Variants in OVCA2 observed in about 807,000 individuals in gnomAD.
OVCA2 encodes the protein OVCA2 serine hydrolase domain containing.
OVCA2 carries 14 observed loss-of-function variants against 10.1 expected under a neutral mutation model. The ratio of observed to expected loss-of-function variants is 1.39; its 90% CI spans 0.92 to 2.17. OVCA2 has a LOEUF of 2.17. Ranked by LOEUF, OVCA2 falls within the 30% of genes most tolerant of loss-of-function variation. The pLI, the probability that OVCA2 is intolerant of heterozygous loss-of-function variation, is 0.00. For missense variants in OVCA2, 376 were observed against 300.5 expected (o/e 1.25, Z -1.86); for synonymous variants, 201 against 134.1 (o/e 1.50, Z -3.45).
rs1171294621 is a variant in OVCA2, at chr17:2,042,470, T to C, written c.185-135T>C. 1.7e-5 allele frequency: 23 copies of C among 1,340,642 alleles called. No individual in the cohort carries two copies. The South Asian group carries it at 3.0e-4, about 17-fold the overall frequency. The allele number at this position is 1,340,642 out of a possible 1,614,324, so 83.0% of individuals were successfully genotyped here. A position where few individuals can be genotyped will look rare whatever the true frequency, so the allele number is the denominator to read the frequency against. On this transcript the variant is annotated intron_variant, in intron 1 of 1. Coordinates refer to ENST00000572195, the MANE Select transcript of OVCA2 (RefSeq NM_080822.3). Reference sequence around the variant, plus strand: ...CAGGCCAATCCACTCATTTCCCCCCTCTCATTTCCCCCAGACTTTTGCCTC... The same window carrying C: ...CAGGCCAATCCACTCATTTCCCCCCCCTCATTTCCCCCAGACTTTTGCCTC...
chr17:2,043,158 G>C lies in OVCA2; in HGVS notation c.*54G>C. The C allele has an allele frequency of 1.3e-6, 2 of 1,568,718 alleles. No individual in the cohort carries two copies. Among genetic ancestry groups the C allele is most frequent in the Non-Finnish European group, 1.7e-6 (2 of 1,155,816 alleles). ...TCCAGCTCCTCTAGGGGCAGCCTCC[G>C]TCATCCATGCCCTCCCAGGACCCTC... On this transcript the variant is annotated 3_prime_UTR_variant, in exon 2 of 2. Transcript: ENST00000572195.
intron 1 of OVCA2, 23 bp from the exon 2 acceptor site, chr17:2,042,582 C>T (rs73294249): frequency 6.6e-7 from 1 of 1,508,462 alleles, no homozygotes; most frequent in Non-Finnish European, 8.8e-7. Flanking sequence ...CTAATCCCAT[C>T]CTTTTTCCTC....
Position 2,042,848 on chromosome 17 carries a change from G to A in OVCA2, c.428G>A (p.Arg143Gln). Reference protein sequence around the residue: ...QAGDPRFPLPRFILLVSGFCP... With the variant: ...QAGDPRFPLPQFILLVSGFCP... Reference sequence around the variant, plus strand: ...GGCGATCCCCGCTTCCCCTTGCCACGGTTTATCCTCTTGGTGTCTGGTTTC... The same window carrying A: ...GGCGATCCCCGCTTCCCCTTGCCACAGTTTATCCTCTTGGTGTCTGGTTTC... Residue 143 changes from arginine to glutamine, a missense_variant, in exon 2 of 2, where the codon CGG becomes CAG. Arg to Gln is a conservative substitution (Grantham distance 43). Transcript: ENST00000572195. 2 of 1,614,136 alleles carry A rather than the reference G, an allele frequency of 1.2e-6. No homozygotes were observed. The highest frequency in any genetic ancestry group is 1.7e-6 in the Non-Finnish European group (2 of 1,180,016).
Position 2,042,885 on chromosome 17 carries a change from C to T in OVCA2, c.465C>T (p.Gly155=), listed in dbSNP as rs1455808926. 8.7e-6 allele frequency: 14 copies of T among 1,614,066 alleles called. No homozygotes were observed. Among genetic ancestry groups the T allele is most frequent in the Non-Finnish European group, 4.2e-6 (5 of 1,180,046 alleles). The stretch of plus-strand genomic sequence containing the variant: ...TGGTGTCTGGTTTCTGTCCCCGGGG[C>T]ATTGGGTTCAAGGAATCCATCCTGC... ...ILLVSGFCPR[G]IGFKESILQR... Residue 155 remains glycine, a synonymous_variant, in exon 2 of 2, where the codon GGC becomes GGT. Coordinates refer to ENST00000572195, the MANE Select transcript of OVCA2 (RefSeq NM_080822.3).
In OVCA2 at chr17:2,042,856, C is replaced by A. The variant is rs769380354; in HGVS notation, c.436C>A (p.Leu146Ile). The A allele has an allele frequency of 7.4e-6, 12 of 1,614,042 alleles. No individual in the cohort carries two copies. In the African/African-American group the frequency reaches 1.6e-4, roughly 22 times the overall value. Reference sequence around the variant, plus strand: ...CCGCTTCCCCTTGCCACGGTTTATCCTCTTGGTGTCTGGTTTCTGTCCCCG... The same window carrying A: ...CCGCTTCCCCTTGCCACGGTTTATCATCTTGGTGTCTGGTTTCTGTCCCCG... Reference protein sequence around the residue: ...DPRFPLPRFILLVSGFCPRGI... With the variant: ...DPRFPLPRFIILVSGFCPRGI... Residue 146 changes from leucine (L) to isoleucine (I), a missense_variant, in exon 2 of 2, where the codon CTC becomes ATC. Transcript: ENST00000572195.
At position 2,042,770 on chromosome 17, in the gene OVCA2, G is replaced by A. The variant is rs1296903159; in HGVS notation, c.350G>A (p.Gly117Asp). 1 of 1,609,304 alleles carries A rather than the reference G, an allele frequency of 6.2e-7. No individual in the cohort carries two copies. Among genetic ancestry groups the A allele is most frequent in the African/African-American group, 1.3e-5 (1 of 74,572 alleles). The change falls in exon 2 of 2, where the codon GGT becomes GAT. Residue 117 changes from glycine (G) to aspartate (D), a missense_variant. Physicochemically the swap from Gly to Asp is moderately conservative, Grantham distance 94. Coordinates refer to ENST00000572195, the MANE Select transcript of OVCA2 (RefSeq NM_080822.3). ...CTGGGGCCTTTTGACGGCCTTCTTGGTTTCAGCCAAGGGGCTGCGCTAGCA... is the reference window on the plus strand; with the variant it reads ...CTGGGGCCTTTTGACGGCCTTCTTGATTTCAGCCAAGGGGCTGCGCTAGCA... ...NRLGPFDGLL[G>D]FSQGAALAAL... is the part of the protein sequence containing the mutation.
chr17:2,042,075 C>A lies in OVCA2; in HGVS notation c.28C>A (p.Leu10Met), dbSNP rs769738680. 29 of 1,561,856 alleles carry A rather than the reference C, an allele frequency of 1.9e-5. No individual in the cohort carries two copies. In the African/African-American group the frequency reaches 3.7e-4, roughly 20 times the overall value. The change falls in exon 1 of 2, where the codon CTG becomes ATG. Residue 10 changes from leucine (L) to methionine (M), a missense_variant. Leu to Met is a conservative substitution (Grantham distance 15). Coordinates refer to ENST00000572195, the MANE Select transcript of OVCA2 (RefSeq NM_080822.3). ...GGCCGCGCAGCGACCCCTGCGGGTC[C>A]TGTGCCTGGCGGGCTTCCGGCAGAG... MAAQRPLRVLCLAGFRQSER... is the reference protein window; with the variant it reads MAAQRPLRVMCLAGFRQSER...
At position 2,042,714 on chromosome 17, in the gene OVCA2, A is replaced by G; in HGVS notation, c.294A>G (p.Ser98=). 6.4e-7 allele frequency: 1 copy of G among 1,557,892 alleles called. No homozygotes were observed. Among genetic ancestry groups the G allele is most frequent in the Non-Finnish European group, 8.7e-7 (1 of 1,154,584 alleles). Residue 98 remains serine, a synonymous_variant, in exon 2 of 2, where the codon TCA becomes TCG. Transcript: ENST00000572195. ...EPAVCRGLEE[S]LGMVAQALNR... Reference sequence around the variant, plus strand: ...CCGTCTGCAGGGGCCTGGAGGAATCACTGGGGATGGTGGCACAGGCACTGA... The same window carrying G: ...CCGTCTGCAGGGGCCTGGAGGAATCGCTGGGGATGGTGGCACAGGCACTGA...
rs185609036 is a variant in OVCA2 at position 2,043,197 on chromosome 17, G to T, written c.*93G>T. 4.4e-5 allele frequency: 63 copies of T among 1,433,942 alleles called. No individual in the cohort carries two copies. The East Asian group carries it at 1.4e-3, about 33-fold the overall frequency. The allele number at this position is 1,433,942 out of a possible 1,614,324, so 88.8% of individuals were successfully genotyped here. On this transcript the variant is annotated 3_prime_UTR_variant, in exon 2 of 2. Transcript: ENST00000572195. Reference sequence around the variant, plus strand: ...CCCAGGACCCTCCACTCACTGCTGTGAGTGCGCCTCACCAGAACCAGTTAA... The same window carrying T: ...CCCAGGACCCTCCACTCACTGCTGTTAGTGCGCCTCACCAGAACCAGTTAA...
chr17:2,042,798 C>T lies in OVCA2; in HGVS notation c.378C>T (p.Ala126=), dbSNP rs1259706034. 6.2e-7 allele frequency: 1 copy of T among 1,613,780 alleles called. No homozygotes were observed. Among genetic ancestry groups the T allele is most frequent in the African/African-American group, 1.3e-5 (1 of 74,908 alleles). ...TCAGCCAAGGGGCTGCGCTAGCAGC[C>T]CTTGTGTGTGCCCTGGGCCAGGCAG... The part of the protein sequence containing the change: ...LGFSQGAALA[A]LVCALGQAGD... The change falls in exon 2 of 2, where the codon GCC becomes GCT. Residue 126 remains alanine (A), a synonymous_variant. Transcript: ENST00000572195.
At chr17:2,042,394 C>T (rs1039036795) in intron 1 of OVCA2, 163 bp downstream of exon 1, 3 of 1,275,418 alleles carry the variant, frequency 2.4e-6, no homozygotes, top group East Asian at 5.7e-5. Context: ...CAAACTGCAG[C>T]CTGTCCTCCC....
Position 2,042,687 on chromosome 17 carries a change from C to T in OVCA2, c.267C>T (p.Pro89=). Residue 89 remains proline, a synonymous_variant, in exon 2 of 2, where the codon CCC becomes CCT. Coordinates refer to ENST00000572195, the MANE Select transcript of OVCA2 (RefSeq NM_080822.3). ...EADVFSALEE[P]AVCRGLEESL... is the part of the protein sequence containing the mutation. ...ACGTTTTCTCCGCATTGGAAGAGCC[C>T]GCCGTCTGCAGGGGCCTGGAGGAAT... 3 of 1,529,692 alleles carry T rather than the reference C, an allele frequency of 2.0e-6. No individual in the cohort carries two copies. Among genetic ancestry groups the T allele is most frequent in the Non-Finnish European group, 2.6e-6 (3 of 1,142,150 alleles). 94.8% of individuals were successfully genotyped at this position (1,529,692 alleles called of 1,614,324 possible).
chr17:2,042,820 G>A lies in OVCA2; in HGVS notation c.400G>A (p.Ala134Thr). 12 of 1,614,112 alleles carry A rather than the reference G, an allele frequency of 7.4e-6. No individual in the cohort carries two copies. Among genetic ancestry groups the A allele is most frequent in the South Asian group, 5.5e-5 (5 of 91,086 alleles). ...LAALVCALGQ[A>T]GDPRFPLPRF... ...AGCCCTTGTGTGTGCCCTGGGCCAG[G>A]CAGGCGATCCCCGCTTCCCCTTGCC... The change falls in exon 2 of 2, where the codon GCA becomes ACA. Residue 134 changes from alanine to threonine, a missense_variant. Ala to Thr is a moderately conservative substitution (Grantham distance 58). Coordinates refer to ENST00000572195, the MANE Select transcript of OVCA2 (RefSeq NM_080822.3).
Position 2,042,970 on chromosome 17 carries a change from T to G in OVCA2, c.550T>G (p.Ser184Ala), listed in dbSNP as rs144850435. 1.1e-5 allele frequency: 18 copies of G among 1,614,080 alleles called. No individual in the cohort carries two copies. Among genetic ancestry groups the G allele is most frequent in the Non-Finnish European group, 1.4e-5 (17 of 1,179,986 alleles). The change falls in exon 2 of 2, where the codon TCT becomes GCT. Residue 184 changes from serine (S) to alanine (A), a missense_variant. Transcript: ENST00000572195. ...TGGGGACACTGACAAAGTCATCCCCTCTCAGGAGAGTGTGCAACTGGCCAG... is the reference window on the plus strand; with the variant it reads ...TGGGGACACTGACAAAGTCATCCCCGCTCAGGAGAGTGTGCAACTGGCCAG... ...VFGDTDKVIP[S>A]QESVQLASQF...
rs1170130053 is a variant in OVCA2 at position 2,042,753 on chromosome 17, T to C, written c.333T>C (p.Pro111=). The C allele has an allele frequency of 6.2e-7, 1 of 1,604,506 alleles. No homozygotes were observed. The highest frequency in any genetic ancestry group is 1.1e-5 in the South Asian group (1 of 90,020). ...CACAGGCACTGAACAGGCTGGGGCC[T>C]TTTGACGGCCTTCTTGGTTTCAGCC... The part of the protein sequence containing the change: ...MVAQALNRLG[P]FDGLLGFSQG... The change falls in exon 2 of 2, where the codon CCT becomes CCC. Residue 111 remains proline (P), a synonymous_variant. Coordinates refer to ENST00000572195, the MANE Select transcript of OVCA2 (RefSeq NM_080822.3).
chr17:2,042,511 T>C, intron 1 of OVCA2, 94 bp from the exon 2 acceptor site: 1 of 1,450,950 alleles, frequency 6.9e-7, no homozygotes, highest in Non-Finnish European at 9.1e-7. Context: ...CCTTTTTCTC[T>C]CTGTCATCTC....
intron 1 of OVCA2, 102 bp from the exon 2 acceptor site, chr17:2,042,503 T>TC: frequency 6.9e-7 from 1 of 1,442,854 alleles, no homozygotes; most frequent in Non-Finnish European, 9.1e-7. Flanking sequence ...CTCGATTCCC[T>TC]TTTTCTCTCT....
Position 2,042,771 on chromosome 17 carries a change from T to A in OVCA2, c.351T>A (p.Gly117=), listed in dbSNP as rs1192606709. 6.2e-7 allele frequency: 1 copy of A among 1,608,910 alleles called. No homozygotes were observed. Residue 117 remains glycine (G), a synonymous_variant, in exon 2 of 2, where the codon GGT becomes GGA. Transcript: ENST00000572195. ...NRLGPFDGLL[G]FSQGAALAAL... Reference sequence around the variant, plus strand: ...TGGGGCCTTTTGACGGCCTTCTTGGTTTCAGCCAAGGGGCTGCGCTAGCAG... The same window carrying A: ...TGGGGCCTTTTGACGGCCTTCTTGGATTCAGCCAAGGGGCTGCGCTAGCAG...
Position 2,042,091 on chromosome 17 carries a change from T to C in OVCA2, c.44T>C (p.Phe15Ser). ...RPLRVLCLAG[F>S]RQSERGFREK... ...CTGCGGGTCCTGTGCCTGGCGGGCTTCCGGCAGAGCGAGCGGGGCTTCCGT... is the reference window on the plus strand; with the variant it reads ...CTGCGGGTCCTGTGCCTGGCGGGCTCCCGGCAGAGCGAGCGGGGCTTCCGT... The change falls in exon 1 of 2, where the codon TTC becomes TCC. Residue 15 changes from phenylalanine to serine, a missense_variant. Transcript: ENST00000572195. 6.4e-7 allele frequency: 1 copy of C among 1,568,130 alleles called. No homozygotes were observed. Among genetic ancestry groups the C allele is most frequent in the Non-Finnish European group, 8.6e-7 (1 of 1,166,502 alleles).
Sources: allele counts gnomAD v4.1 joint callset, GRCh38; gene constraint gnomAD v4.1.1; transcripts MANE v1.5; gene names NCBI Gene and HGNC (gene_info 2026-07-23, HGNC 2026-07-21).